ALDH3B2: variants seen among roughly 807,000 people sequenced by gnomAD.
The protein encoded by ALDH3B2 is aldehyde dehydrogenase 3 family member B2, also known as aldehyde dehydrogenase family 3 member B2.
A neutral mutation model predicts 36.7 loss-of-function variants in ALDH3B2; 45 were observed. The ratio of observed to expected loss-of-function variants is 1.23; its 90% CI spans 0.97 to 1.57. The LOEUF (loss-of-function observed/expected upper bound fraction) is 1.57, where lower values mean the gene tolerates loss of function less well. Ranked by LOEUF, ALDH3B2 falls within the 40% of genes most tolerant of loss-of-function variation. ALDH3B2 has a pLI of 0.00. For missense variants in ALDH3B2, 464 were observed against 513.3 expected, an observed-to-expected ratio of 0.90 and a Z score of 0.93; for synonymous variants, 217 against 226.5, an observed-to-expected ratio of 0.96 and a Z score of 0.38.
At position 67,665,491 on chromosome 11, in the gene ALDH3B2, TCAGGGGCCACG is replaced by T; in HGVS notation, c.489_499del (p.Cys163Ter). ...CATCTCGGGGCTGCACAGGACGTAG[TCAGGGGCCACG>T]CAGGTCTGGCCGGCATTGAAGTAGC... On this transcript the variant is annotated stop_gained and frameshift_variant, in exon 7 of 10. Coordinates refer to ENST00000349015, the Ensembl canonical transcript of ALDH3B2. LOFTEE classifies it high-confidence loss of function. 1 of 1,613,978 alleles carries T rather than the reference TCAGGGGCCACG, an allele frequency of 6.2e-7. No homozygotes were observed. Among genetic ancestry groups the T allele is most frequent in the Non-Finnish European group, 8.5e-7 (1 of 1,179,982 alleles).
intron 7 of ALDH3B2, 86 bp from the exon 8 acceptor site, chr11:67,664,648 G>T: frequency 6.5e-7 from 1 of 1,533,208 alleles, no homozygotes. Flanking sequence ...AGGGGCATGG[G>T]CCAGGGCTCC....
chr11:67,668,299 TG>T (rs1333143660), intron 1 of ALDH3B2, among the ~76,000 whole-genome samples: 7 of 151,550 alleles, frequency 4.6e-5, no homozygotes, highest in Admixed American at 1.3e-4. Flanking sequence ...CAGGTGCAGG[TG>T]GGGGTAGGTT....
At chr11:67,673,255 G>A (rs576849067) in intron 1 of ALDH3B2, among the ~76,000 whole-genome samples, 2 of 152,208 alleles carry the variant, frequency 1.3e-5, no homozygotes, top group East Asian at 3.9e-4. Context: ...AGATTTTCTG[G>A]GTTTACACTG....
At chr11:67,674,186 C>T (rs947749704) in intron 1 of ALDH3B2, among the ~76,000 whole-genome samples, 3 of 152,170 alleles carry the variant, frequency 2.0e-5, no homozygotes, top group Admixed American at 2.0e-4. Flanking sequence ...GAACAGGCTT[C>T]ATTTCTGTGG....
upstream of ALDH3B2, among the ~76,000 whole-genome samples, chr11:67,678,636 C>CATAT (rs34057662): frequency 2.0e-4 from 29 of 146,702 alleles, no homozygotes; most frequent in African/African-American, 2.8e-4. Flanking sequence ...TACTATGGTA[C>CATAT]ATATATATAT....
chr11:67,664,424 G>T (rs763935848), exon 8 of ALDH3B2: 9 of 1,614,024 alleles, frequency 5.6e-6, no homozygotes, highest in African/African-American at 5.3e-5. Flanking sequence ...GGCGTACAGG[G>T]CCAGGGGCTT....
intron 7 of ALDH3B2, 69 bp from the exon 8 acceptor site, chr11:67,664,631 T>TG: frequency 6.3e-7 from 1 of 1,582,324 alleles, no homozygotes; most frequent in Non-Finnish European, 8.6e-7. Context: ...AGGGTAGAGG[T>TG]GGGGACAGGG....
At chr11:67,667,691 A>G (rs1319665956) in intron 1 of ALDH3B2, 56 bp from the exon 2 acceptor site, 3 of 271,572 alleles carry the variant, frequency 1.1e-5, no homozygotes, top group Non-Finnish European at 2.0e-5. Flanking sequence ...CTTCACGGGC[A>G]CCCTCCAGCC....
intron 1 of ALDH3B2, among the ~76,000 whole-genome samples, chr11:67,674,078 G>A (rs1459509199): frequency 6.6e-6 from 1 of 152,114 alleles, no homozygotes; most frequent in East Asian, 1.9e-4. Flanking sequence ...TGGTGCCCCC[G>A]ACCCAATCCT....
intron 1 of ALDH3B2, chr11:67,673,659 G>T (rs1479174135): frequency 4.6e-5 from 7 of 152,312 alleles, no homozygotes; most frequent in Admixed American, 6.5e-5. Flanking sequence ...GGCCCAGAAA[G>T]AAGTCAGAGC....
chr11:67,665,812 C>T, intron 6 of ALDH3B2, 141 bp from the exon 7 acceptor site: 1 of 1,321,572 alleles, frequency 7.6e-7, no homozygotes, highest in Non-Finnish European at 1.0e-6. Flanking sequence ...CCATCCTCAA[C>T]TGGCCTTGAC....
upstream of ALDH3B2, among the ~76,000 whole-genome samples, chr11:67,678,636 C>CAT (rs34057662): frequency 0.083 from 12,219 of 146,622 alleles, 543 homozygotes; most frequent in Middle Eastern, 0.1. Context: ...TACTATGGTA[C>CAT]ATATATATAT....
intron 7 of ALDH3B2, among the ~76,000 whole-genome samples, chr11:67,664,945 A>G (rs1162225534): frequency 1.3e-5 from 2 of 152,178 alleles, no homozygotes; most frequent in African/African-American, 2.4e-5. Context: ...TGGGGCCGTC[A>G]GAGTTTAGAA....
At chr11:67,679,698 GA>G (rs545911365), upstream of ALDH3B2, among the ~76,000 whole-genome samples, 342 of 141,518 alleles carry the variant, frequency 2.4e-3, no homozygotes, top group Middle Eastern at 0.011. Context: ...AGAATGGCGT[GA>G]AAAAAAAAAA....
intron 1 of ALDH3B2, among the ~76,000 whole-genome samples, chr11:67,672,659 G>C (rs147516066): frequency 6.7e-6 from 1 of 149,902 alleles, no homozygotes; most frequent in South Asian, 2.1e-4. Context: ...GCATGATCTC[G>C]GCTCACTGCA....
At chr11:67,678,752 GAT>G (rs1423820343), upstream of ALDH3B2, among the ~76,000 whole-genome samples, 1 of 147,592 alleles carries the variant, frequency 6.8e-6, no homozygotes, top group Non-Finnish European at 1.5e-5. Flanking sequence ...TACATACTAT[GAT>G]ATATATACAC....
intron 7 of ALDH3B2, 72 bp downstream of exon 7, chr11:67,665,213 G>A (rs2134130212): frequency 4.6e-6 from 7 of 1,526,168 alleles, no homozygotes; most frequent in Non-Finnish European, 5.3e-6. Context: ...CCAGACTCGT[G>A]GCCCAGCCGT....
intron 9 of ALDH3B2, 91 bp downstream of exon 9, chr11:67,663,571 G>T: frequency 7.2e-7 from 1 of 1,397,700 alleles, no homozygotes. Flanking sequence ...CCCAGGGTGT[G>T]GATCAAGGTT....
exon 10 of ALDH3B2, chr11:67,663,220 G>A (rs2134124686): frequency 6.2e-7 from 1 of 1,606,746 alleles, no homozygotes. Context: ...GACGCTCACA[G>A]GAGGGTGCAG....
Sources: gnomAD v4.1 joint callset for allele counts (sites outside exome capture counted in the v4.1 genomes callset) on GRCh38, gnomAD v4.1.1 for gene constraint, MANE v1.5 for transcripts, NCBI Gene and HGNC (gene_info 2026-07-23, HGNC 2026-07-21) for gene names.